FSIP2: variants seen among roughly 807,000 people sequenced by gnomAD.
FSIP2 encodes fibrous sheath interacting protein 2.
A neutral mutation model predicts 510.5 loss-of-function variants in FSIP2; 367 were observed. The ratio of observed to expected loss-of-function variants is 0.72; its 90% confidence interval spans 0.66 to 0.78. The LOEUF (loss-of-function observed/expected upper bound fraction) is 0.78, where lower values mean the gene tolerates loss of function less well. FSIP2 is among the 30% of genes least tolerant of loss of function. The pLI, the probability that FSIP2 is intolerant of heterozygous loss-of-function variation, is 0.00. For synonymous variants in FSIP2, 2,601 were observed against 2,732.2 expected, an observed-to-expected ratio of 0.95 and a Z score of 1.50; for missense variants, 7,594 against 7,901.7, an observed-to-expected ratio of 0.96 and a Z score of 1.48.
At chr2:185,787,072 A>T (rs1693005305) in intron 15 of FSIP2, among the ~76,000 whole-genome samples, 1 of 151,826 alleles carries the variant, frequency 6.6e-6, no homozygotes, top group Admixed American at 6.6e-5. Flanking sequence ...TTTGTTTATC[A>T]TCTCCAGTAA....
intron 13 of FSIP2, chr2:185,766,077 A>C (rs967964140): frequency 6.6e-6 from 1 of 152,188 alleles, no homozygotes; most frequent in African/African-American, 2.4e-5. Flanking sequence ...ATATACAGTC[A>C]TGTCGTCTGC....
In FSIP2 at chr2:185,807,178, T is replaced by C. The variant is rs1393293383; in HGVS notation, c.17872T>C (p.Phe5958Leu). The change falls in exon 17 of 23, where the codon TTC (phenylalanine) becomes CTC (leucine). Residue 5958 changes from phenylalanine to leucine, a missense_variant. Physicochemically the swap from Phe to Leu is conservative, Grantham distance 22. Transcript: ENST00000424728. The stretch of plus-strand genomic sequence containing the variant: ...AACTAGTGCAGTGATAAATGAAATT[T>C]TCCAACGTCAGGTTAACTTGATATT... ...RLTSAVINEI[F>L]QRQVNLIFCD... is the part of the protein sequence containing the mutation. The C allele has an allele frequency of 6.2e-7, 1 of 1,601,832 alleles. No individual in the cohort carries two copies. Among genetic ancestry groups the C allele is most frequent in the Admixed American group, 1.7e-5 (1 of 57,366 alleles).
chr2:185,773,537 C>G (rs887285078), intron 13 of FSIP2, among the ~76,000 whole-genome samples: 2 of 152,184 alleles, frequency 1.3e-5, no homozygotes, highest in Non-Finnish European at 2.9e-5. Context: ...CAAATCTTTT[C>G]AAAATACACG....
At position 185,796,697 on chromosome 2, in the gene FSIP2, G is replaced by A. The variant is rs562174319; in HGVS notation, c.9561G>A (p.Gly3187=). The A allele has an allele frequency of 2.3e-5, 35 of 1,535,084 alleles. No individual in the cohort carries two copies. The highest frequency in any genetic ancestry group is 9.8e-5 in the Admixed American group (5 of 50,900). ...GINPSQVSKT[G]FVFCSDEDMK... is the part of the protein sequence containing the mutation. ...ATCCTTCACAAGTGAGTAAAACTGG[G>A]TTTGTGTTTTGTTCAGATGAAGATA... The change falls in exon 16 of 23, where the codon GGG becomes GGA. Residue 3187 remains glycine, a synonymous_variant. Transcript: ENST00000424728.
rs1574191413 is a variant in FSIP2 at position 185,799,559 on chromosome 2, ATTTCT to A, written c.10391-134_10391-130del. Reference sequence around the variant, plus strand: ...AAAATAAATGTTTGAGGAAAATCTAATTTCTTTTTTTGTTTAGATTTTTCTTTAGT... The same window carrying A: ...AAAATAAATGTTTGAGGAAAATCTAATTTTTTGTTTAGATTTTTCTTTAGT... On this transcript the variant is annotated intron_variant, in intron 16 of 22. Transcript: ENST00000424728. The A allele has an allele frequency of 1.6e-5, 7 of 432,056 alleles. No individual in the cohort carries two copies. In the East Asian group the frequency reaches 1.9e-4, roughly 11 times the overall value. 26.8% of individuals were successfully genotyped at this position (432,056 alleles called of 1,614,324 possible). A position where few individuals can be genotyped will look rare whatever the true frequency, so the allele number is the denominator to read the frequency against.
rs1426040936 is a variant in FSIP2, at chr2:185,788,814, A to G, written c.1678A>G (p.Ser560Gly). ...CTCTTCAGATAGTTCAAGTTTCTGT[A>G]GCACGTGCAGTGAAGACTTTACATA... ...ILSSDSSSFC[S>G]TCSEDFTYRS... The change falls in exon 16 of 23, where the codon AGC becomes GGC. Residue 560 changes from serine (S) to glycine (G), a missense_variant. Coordinates refer to ENST00000424728, the MANE Select transcript of FSIP2 (RefSeq NM_173651.4). The G allele has an allele frequency of 6.5e-7, 1 of 1,534,528 alleles. No individual in the cohort carries two copies. The highest frequency in any genetic ancestry group is 8.7e-7 in the Non-Finnish European group (1 of 1,145,752).
rs1693235438 is a variant in FSIP2 at position 185,795,071 on chromosome 2, A to G, written c.7935A>G (p.Ser2645=). ...TCAATAAGATCACAAATTTTGTCTCACTTCCTTTAAAGGTGAGCCCTAAGG... is the reference window on the plus strand; with the variant it reads ...TCAATAAGATCACAAATTTTGTCTCGCTTCCTTTAAAGGTGAGCCCTAAGG... ...MVLNKITNFV[S]LPLKVSPKDN... Residue 2645 remains serine (S), a synonymous_variant, in exon 16 of 23, where the codon TCA becomes TCG. Coordinates refer to ENST00000424728, the MANE Select transcript of FSIP2 (RefSeq NM_173651.4). 9 of 1,534,656 alleles carry G rather than the reference A, an allele frequency of 5.9e-6. No individual in the cohort carries two copies. The highest frequency in any genetic ancestry group is 7.0e-6 in the Non-Finnish European group (8 of 1,146,040).
At position 185,795,880 on chromosome 2, in the gene FSIP2, T is replaced by A. The variant is rs920695047; in HGVS notation, c.8744T>A (p.Met2915Lys). ...GAGGATACTAAAGCACAAATTAATA[T>A]GTTTGGAAGGGAAATTGTTGAAATG... is the stretch of plus-strand genomic sequence containing the variant. The part of the protein sequence containing the change: ...RAEDTKAQIN[M>K]FGREIVEMLL... Residue 2915 changes from methionine (M) to lysine (K), a missense_variant, in exon 16 of 23, where the codon ATG becomes AAG. Coordinates refer to ENST00000424728, the MANE Select transcript of FSIP2 (RefSeq NM_173651.4). 3.3e-6 allele frequency: 5 copies of A among 1,532,508 alleles called. No homozygotes were observed. The highest frequency in any genetic ancestry group is 1.4e-5 in the African/African-American group (1 of 72,662). The allele number at this position is 1,532,508 out of a possible 1,614,324, so 94.9% of individuals were successfully genotyped here.
At chr2:185,737,445 G>A (rs1433093548), upstream of FSIP2, among the ~76,000 whole-genome samples, 1 of 152,172 alleles carries the variant, frequency 6.6e-6, no homozygotes, top group Non-Finnish European at 1.5e-5. Flanking sequence ...ATAAGGCTGT[G>A]GCAATGGTGC....
At chr2:185,810,409 C>A (rs1574201324) in intron 17 of FSIP2, among the ~76,000 whole-genome samples, 1 of 152,088 alleles carries the variant, frequency 6.6e-6, no homozygotes, top group East Asian at 1.9e-4. Flanking sequence ...TTTCTCCTGC[C>A]TTCACTTTGT....
chr2:185,829,560 C>G (rs527316838), intron 21 of FSIP2, among the ~76,000 whole-genome samples: 3 of 152,088 alleles, frequency 2.0e-5, no homozygotes, highest in Admixed American at 2.0e-4. Context: ...GATGGAGAAT[C>G]TGGGGAGAAT....
At chr2:185,771,779 C>A (rs1429905509) in intron 13 of FSIP2, among the ~76,000 whole-genome samples, 1 of 152,204 alleles carries the variant, frequency 6.6e-6, no homozygotes, top group Admixed American at 6.5e-5. Context: ...GCTTGTATTT[C>A]TGTCTTGAAA....
Position 185,789,465 on chromosome 2 carries a change from A to T in FSIP2, c.2329A>T (p.Met777Leu), listed in dbSNP as rs530161097. 2.6e-6 allele frequency: 4 copies of T among 1,534,692 alleles called. No individual in the cohort carries two copies. The South Asian group carries it at 4.8e-5, about 18-fold the overall frequency. ...TGCAGTTGAGAAAAAATGTGTTGAG[A>T]TGTTTTCACAAGATTTGTCAGTCGA... ...ESAVEKKCVE[M>L]FSQDLSVDIK... Residue 777 changes from methionine to leucine, a missense_variant, in exon 16 of 23, where the codon ATG (methionine) becomes TTG (leucine). Met to Leu is a conservative substitution (Grantham distance 15, BLOSUM62 2). Coordinates refer to ENST00000424728, the MANE Select transcript of FSIP2 (RefSeq NM_173651.4).
chr2:185,825,617 C>G (rs1694000753), intron 20 of FSIP2, among the ~76,000 whole-genome samples: 1 of 151,830 alleles, frequency 6.6e-6, no homozygotes, highest in Non-Finnish European at 1.5e-5. Context: ...TCTCCTGCCT[C>G]TAAATTCAGT....
At chr2:185,756,609 A>T (rs1692251928) in intron 9 of FSIP2, among the ~76,000 whole-genome samples, 1 of 151,432 alleles carries the variant, frequency 6.6e-6, no homozygotes, top group Non-Finnish European at 1.5e-5. Flanking sequence ...GAAAACTCTG[A>T]AATATGTCAG....
In FSIP2 at chr2:185,796,922, C is replaced by T. The variant is rs192894936; in HGVS notation, c.9786C>T (p.Ser3262=). The T allele has an allele frequency of 1.8e-5, 27 of 1,534,910 alleles. No homozygotes were observed. Among genetic ancestry groups the T allele is most frequent in the Non-Finnish European group, 2.3e-5 (26 of 1,146,202 alleles). The change falls in exon 16 of 23, where the codon AGC becomes AGT. Residue 3262 remains serine (S), a synonymous_variant. Transcript: ENST00000424728. ...TTGATCAGACCATGAAAGGAAATAG[C>T]TACCTCCCTGAAGGCAGTTTCTTAC... ...GSFDQTMKGN[S]YLPEGSFLQK...
At chr2:185,830,945 T>C (rs1694097454) in intron 21 of FSIP2, among the ~76,000 whole-genome samples, 1 of 151,952 alleles carries the variant, frequency 6.6e-6, no homozygotes, top group South Asian at 2.1e-4. Flanking sequence ...ACAGCTTAAG[T>C]TGAGAATCAG....
chr2:185,737,642 G>T (rs1014889512), upstream of FSIP2, among the ~76,000 whole-genome samples: 9 of 152,214 alleles, frequency 5.9e-5, no homozygotes, highest in African/African-American at 2.2e-4. Flanking sequence ...GTAGACTTTG[G>T]TATTGTCACT....
chr2:185,805,713 G>A lies in FSIP2; in HGVS notation c.16407G>A (p.Met5469Ile). 6.2e-7 allele frequency: 1 copy of A among 1,607,552 alleles called. No individual in the cohort carries two copies. Among genetic ancestry groups the A allele is most frequent in the Non-Finnish European group, 8.5e-7 (1 of 1,177,748 alleles). Reference sequence around the variant, plus strand: ...CTTTGGAAATAAATAGAGGTACAATGAATAGAAAGAAAAGTTTTAAAACCA... The same window carrying A: ...CTTTGGAAATAAATAGAGGTACAATAAATAGAAAGAAAAGTTTTAAAACCA... ...MSTLEINRGT[M>I]NRKKSFKTKD... The change falls in exon 17 of 23, where the codon ATG becomes ATA. Residue 5469 changes from methionine (M) to isoleucine (I), a missense_variant. By Grantham distance (10) the Met-to-Ile change is conservative. Transcript: ENST00000424728.
Sources: gnomAD v4.1 joint callset for allele counts (sites outside exome capture counted in the v4.1 genomes callset) on GRCh38, gnomAD v4.1.1 for gene constraint, MANE v1.5 for transcripts, NCBI Gene and HGNC (gene_info 2026-07-23, HGNC 2026-07-21) for gene names.